NRXN3: variants seen among roughly 807,000 people sequenced by gnomAD.
NRXN3 encodes the protein neurexin 3, also known as neurexin III.
In NRXN3, 32 loss-of-function variants were observed where a neutral mutation model predicts 137.6. That is an observed-to-expected ratio of 0.23 (90% CI 0.18 to 0.31). The LOEUF is 0.31. Among genes scored for constraint, NRXN3 ranks in the 10% least tolerant of loss-of-function variants. The pLI is 1.00. For synonymous variants in NRXN3, 798 were observed against 784.5 expected (o/e 1.02, Z -0.29); for missense variants, 1,574 against 2,062.5 (o/e 0.76, Z 4.59).
At chr14:79,537,750 A>T (rs2097226709) in intron 16 of NRXN3, among the ~76,000 whole-genome samples, 1 of 152,202 alleles carries the variant, frequency 6.6e-6, no homozygotes, top group Non-Finnish European at 1.5e-5. Context: ...CGCAATAAAC[A>T]TATGTGTGCA....
At chr14:78,505,680 TAAC>T (rs2095974268) in intron 4 of NRXN3, among the ~76,000 whole-genome samples, 1 of 152,146 alleles carries the variant, frequency 6.6e-6, no homozygotes, top group South Asian at 2.1e-4. Flanking sequence ...TCAAAAATAA[TAAC>T]AAAAAATAAA....
chr14:79,610,320 C>A (rs1044854537), intron 16 of NRXN3, among the ~76,000 whole-genome samples: 2 of 152,138 alleles, frequency 1.3e-5, no homozygotes, highest in South Asian at 2.1e-4. Flanking sequence ...ACTTAATAAA[C>A]TTCAGGTGGT....
chr14:79,509,490 T>A (rs1240284041), intron 16 of NRXN3, among the ~76,000 whole-genome samples: 1 of 151,906 alleles, frequency 6.6e-6, no homozygotes, highest in Admixed American at 6.6e-5. Context: ...CTCTACAGCC[T>A]GGCCAATAGA....
intron 16 of NRXN3, among the ~76,000 whole-genome samples, chr14:79,539,942 T>C (rs1179907559): frequency 6.6e-6 from 1 of 152,128 alleles, no homozygotes; most frequent in Non-Finnish European, 1.5e-5. Flanking sequence ...TCTAGGGACT[T>C]TTCTTCTCCC....
intron 15 of NRXN3, among the ~76,000 whole-genome samples, chr14:79,249,377 A>C (rs1271620486): frequency 6.6e-6 from 1 of 152,220 alleles, no homozygotes; most frequent in African/African-American, 2.4e-5. Context: ...AAAGGAAAGA[A>C]GGCATACACA....
chr14:78,234,994 T>TTA (rs57469863), intron 1 of NRXN3, among the ~76,000 whole-genome samples: 6,212 of 108,514 alleles, frequency 0.057, 313 homozygotes, highest in East Asian at 0.14. Context: ...ACAAATGCTT[T>TTA]TATATATATA....
chr14:78,225,988 T>G (rs1444812362), intron 1 of NRXN3, among the ~76,000 whole-genome samples: 1 of 144,716 alleles, frequency 6.9e-6, no homozygotes, highest in Non-Finnish European at 1.5e-5. Flanking sequence ...TGTGTGTGTG[T>G]GTGTGTGTGT....
intron 6 of NRXN3, among the ~76,000 whole-genome samples, chr14:78,680,191 G>A (rs555936313): frequency 6.6e-6 from 1 of 152,130 alleles, no homozygotes; most frequent in East Asian, 1.9e-4. Context: ...AGAACACATG[G>A]ACACATAGAA....
In NRXN3 at chr14:78,769,330, C is replaced by G. The variant is rs188705371; in HGVS notation, c.2045-34290C>G. On this transcript the variant is annotated intron_variant, in intron 8 of 20. Transcript: ENST00000335750. ...GTAAGGAAATTAAAATAAGGCCAAC[C>G]CTCATCCAGTATGACCTTGTCGTAA... Among the ~76,000 whole-genome samples the G allele has an allele frequency of 9.7e-4, 147 of 152,328 alleles. 3 individuals carry two copies. Among genetic ancestry groups the G allele is most frequent in the Admixed American group, 5.4e-3 (82 of 15,308 alleles).
chr14:78,856,459 T>A (rs905270691), intron 10 of NRXN3, among the ~76,000 whole-genome samples: 13 of 152,210 alleles, frequency 8.5e-5, no homozygotes, highest in Admixed American at 6.5e-4. Flanking sequence ...AAATGTATAT[T>A]GGGTTCTTGG....
chr14:78,210,637 C>A (rs1024067729), intron 1 of NRXN3, among the ~76,000 whole-genome samples: 1 of 151,832 alleles, frequency 6.6e-6, no homozygotes, highest in Non-Finnish European at 1.5e-5. Context: ...TTTCCATCAC[C>A]CCCAAAAAGT....
At chr14:78,909,814 A>G (rs1262833094) in intron 10 of NRXN3, among the ~76,000 whole-genome samples, 2 of 152,142 alleles carry the variant, frequency 1.3e-5, no homozygotes, top group Middle Eastern at 3.4e-3. Context: ...ATTTTTATCT[A>G]CTTGCCCATG....
intron 9 of NRXN3, among the ~76,000 whole-genome samples, chr14:78,805,422 G>T (rs575159773): frequency 1.3e-5 from 2 of 151,972 alleles, no homozygotes; most frequent in African/African-American, 4.8e-5. Context: ...AAAGCCTGCG[G>T]CCCGCATAGC....
chr14:79,471,771 G>A (rs1286567128), intron 16 of NRXN3, among the ~76,000 whole-genome samples: 1 of 152,134 alleles, frequency 6.6e-6, no homozygotes, highest in Non-Finnish European at 1.5e-5. Flanking sequence ...CCTAGATTGA[G>A]TAACTGGGGC....
intron 1 of NRXN3, among the ~76,000 whole-genome samples, chr14:78,172,790 A>T (rs571862271): frequency 2.0e-5 from 3 of 152,242 alleles, no homozygotes; most frequent in South Asian, 2.1e-4. Flanking sequence ...TAATAATTTA[A>T]AAAAAATTGC....
intron 20 of NRXN3, among the ~76,000 whole-genome samples, chr14:79,831,096 A>G (rs2099321899): frequency 6.6e-6 from 1 of 152,184 alleles, no homozygotes; most frequent in Non-Finnish European, 1.5e-5. Flanking sequence ...AATCATAAGG[A>G]AAAGAAAAAT....
intron 15 of NRXN3, among the ~76,000 whole-genome samples, chr14:79,202,179 C>T (rs2066131070): frequency 6.6e-6 from 1 of 151,608 alleles, no homozygotes; most frequent in Non-Finnish European, 1.5e-5. Context: ...CTTATGTTCT[C>T]CCTGAAGAGG....
intron 4 of NRXN3, among the ~76,000 whole-genome samples, chr14:78,495,516 T>A (rs1363775230): frequency 6.6e-6 from 1 of 152,148 alleles, no homozygotes; most frequent in Non-Finnish European, 1.5e-5. Context: ...CTTGAATAAT[T>A]TAAGTGAGTA....
chr14:78,344,767 A>G (rs1043686459), intron 4 of NRXN3, among the ~76,000 whole-genome samples: 3 of 152,152 alleles, frequency 2.0e-5, no homozygotes, highest in Non-Finnish European at 4.4e-5. Context: ...TATAGCGTTC[A>G]TTGCTGTATG....
Sources: allele counts gnomAD v4.1 joint callset (sites outside exome capture counted in the v4.1 genomes callset), GRCh38; gene constraint gnomAD v4.1.1; transcripts MANE v1.5; gene names NCBI Gene and HGNC (gene_info 2026-07-23, HGNC 2026-07-21).